Variants in PXDNL observed in about 807,000 individuals in gnomAD.
PXDNL encodes probable oxidoreductase PXDNL.
Under a neutral mutation model 150.8 loss-of-function variants are expected in PXDNL, and 145 were observed. The observed-to-expected ratio is 0.96, with a 90% CI of 0.84 to 1.10. The LOEUF (loss-of-function observed/expected upper bound fraction) is 1.10. PXDNL is among the 50% of genes least tolerant of loss of function. PXDNL has a pLI of 0.00. For missense variants in PXDNL, 2,087 were observed against 1,873.9 expected (o/e 1.11, Z -2.10); for synonymous variants, 757 against 725.7 (o/e 1.04, Z -0.69).
chr8:51,343,479 A>G (rs1484346433), intron 20 of PXDNL, among the ~76,000 whole-genome samples: 3 of 152,256 alleles, frequency 2.0e-5, no homozygotes, highest in Non-Finnish European at 2.9e-5. Flanking sequence ...TAAAAGTTTG[A>G]TAAGATTGGC....
intron 1 of PXDNL, among the ~76,000 whole-genome samples, chr8:51,660,442 C>A (rs1815248462): frequency 6.6e-6 from 1 of 152,118 alleles, no homozygotes; most frequent in African/African-American, 2.4e-5. Flanking sequence ...TGAGTAGATG[C>A]TTGGCTATCA....
intron 17 of PXDNL, among the ~76,000 whole-genome samples, chr8:51,383,907 A>T (rs1377975495): frequency 1.3e-5 from 2 of 152,182 alleles, no homozygotes; most frequent in African/African-American, 4.8e-5. Context: ...ATTCACAGAG[A>T]CACAAGGGCA....
chr8:51,347,919 G>C (rs1252970833), intron 19 of PXDNL, among the ~76,000 whole-genome samples: 1 of 151,858 alleles, frequency 6.6e-6, no homozygotes, highest in African/African-American at 2.4e-5. Context: ...AAAATACATA[G>C]AAATATTTAC....
At chr8:51,360,867 A>G (rs974886191) in intron 19 of PXDNL, among the ~76,000 whole-genome samples, 2 of 152,178 alleles carry the variant, frequency 1.3e-5, no homozygotes, top group Non-Finnish European at 2.9e-5. Context: ...CTGTCCGTAA[A>G]TCTTCTTCCA....
At chr8:51,642,442 A>C (rs1035527973) in intron 2 of PXDNL, among the ~76,000 whole-genome samples, 4 of 152,232 alleles carry the variant, frequency 2.6e-5, no homozygotes, top group Admixed American at 2.0e-4. Flanking sequence ...GACAAAAACT[A>C]CATGATTATC....
chr8:51,494,949 C>T (rs561019028), intron 5 of PXDNL, among the ~76,000 whole-genome samples: 5,881 of 152,150 alleles, frequency 0.039, 366 homozygotes, highest in African/African-American at 0.13. Flanking sequence ...ATCTACAGAA[C>T]TCTCCACCCC....
rs113533893 is a variant in PXDNL, at chr8:51,543,488, G to A, written c.380+13352C>T. ...AAGTTAAAAAACAATGACTATGGGCGGATCACAAGGTCAGGAGATTGAGAC... is the reference window on the plus strand; with the variant it reads ...AAGTTAAAAAACAATGACTATGGGCAGATCACAAGGTCAGGAGATTGAGAC... On this transcript the variant is annotated intron_variant, in intron 4 of 22. Transcript: ENST00000356297. Among the ~76,000 whole-genome samples the A allele has an allele frequency of 2.1e-3, 314 of 151,942 alleles. 1 individual carries two copies. The highest frequency in any genetic ancestry group is 6.9e-3 in the African/African-American group (285 of 41,482).
At chr8:51,777,429 G>C (rs2037364801) in intron 1 of PXDNL, among the ~76,000 whole-genome samples, 2 of 152,210 alleles carry the variant, frequency 1.3e-5, no homozygotes, top group Non-Finnish European at 2.9e-5. Flanking sequence ...TGAAACCATA[G>C]CTGCCACTGG....
Position 51,497,726 on chromosome 8 carries a change from A to G in PXDNL, c.452+1973T>C, listed in dbSNP as rs557420692. Among the ~76,000 whole-genome samples, 302 of 152,336 alleles carry G rather than the reference A, an allele frequency of 2.0e-3. 4 individuals carry two copies. Among genetic ancestry groups the G allele is most frequent in the Non-Finnish European group, 3.5e-4 (24 of 68,028 alleles). Reference sequence around the variant, plus strand: ...CAGAGAAATGCAAATCAAAACCACAATGAGATACCATCTCACACCAGTTAG... The same window carrying G: ...CAGAGAAATGCAAATCAAAACCACAGTGAGATACCATCTCACACCAGTTAG... On this transcript the variant is annotated intron_variant, in intron 5 of 22. Coordinates refer to ENST00000356297, the MANE Select transcript of PXDNL (RefSeq NM_144651.5).
chr8:51,575,143 TAAG>T (rs955547384), intron 3 of PXDNL, among the ~76,000 whole-genome samples: 12 of 152,006 alleles, frequency 7.9e-5, no homozygotes, highest in African/African-American at 2.7e-4. Flanking sequence ...TAAAGGGACT[TAAG>T]AGGAGGAAAG....
At chr8:51,367,108 A>C in intron 19 of PXDNL, among the ~76,000 whole-genome samples, 1 of 140,622 alleles carries the variant, frequency 7.1e-6, no homozygotes, top group Non-Finnish European at 1.5e-5. Context: ...CTCAAAAAAA[A>C]AAAAAAAAAA....
At chr8:51,452,935 A>AACACATACACACACACACAC (rs60146365) in intron 10 of PXDNL, among the ~76,000 whole-genome samples, 34,518 of 142,502 alleles carry the variant, frequency 0.24, 4,655 homozygotes, top group Non-Finnish European at 0.32. Flanking sequence ...CACACACACA[A>AACACATACACACACACACAC]ACACACACAC....
chr8:51,597,238 T>G (rs1325827490), intron 2 of PXDNL, among the ~76,000 whole-genome samples: 2 of 152,194 alleles, frequency 1.3e-5, no homozygotes, highest in African/African-American at 4.8e-5. Flanking sequence ...ATTTCAAGTC[T>G]CTGTATTCTG....
At chr8:51,652,878 T>G (rs1463755402) in intron 2 of PXDNL, among the ~76,000 whole-genome samples, 2 of 152,174 alleles carry the variant, frequency 1.3e-5, no homozygotes, top group African/African-American at 4.8e-5. Flanking sequence ...AAGTGGATTA[T>G]TCATCAATAA....
intron 2 of PXDNL, among the ~76,000 whole-genome samples, chr8:51,652,696 G>T: frequency 6.6e-6 from 1 of 152,140 alleles, no homozygotes; most frequent in Non-Finnish European, 1.5e-5. Context: ...TAAAATGAAC[G>T]TAGTAACACC....
At chr8:51,425,078 C>G (rs973762231) in intron 13 of PXDNL, among the ~76,000 whole-genome samples, 1 of 152,214 alleles carries the variant, frequency 6.6e-6, no homozygotes, top group Non-Finnish European at 1.5e-5. Context: ...TGGGCCACTT[C>G]TAAATTTTCT....
intron 9 of PXDNL, 38 bp downstream of exon 9, chr8:51,457,460 T>G (rs776774388): frequency 2.0e-6 from 3 of 1,495,370 alleles, no homozygotes; most frequent in Middle Eastern, 1.8e-4. Flanking sequence ...CATTTTCCAG[T>G]GCAGATAATT....
intron 1 of PXDNL, among the ~76,000 whole-genome samples, chr8:51,661,830 G>T (rs1412111861): frequency 6.6e-6 from 1 of 150,408 alleles, no homozygotes; most frequent in Non-Finnish European, 1.5e-5. Context: ...GCAGTGGGGT[G>T]ATTTTTTCTT....
chr8:51,473,590 T>C (rs1810400138), intron 7 of PXDNL, among the ~76,000 whole-genome samples: 1 of 151,902 alleles, frequency 6.6e-6, no homozygotes. Context: ...GCTACAACAC[T>C]GAGAAAAGAG....
Sources: gnomAD v4.1 joint callset for allele counts (sites outside exome capture counted in the v4.1 genomes callset) on GRCh38, gnomAD v4.1.1 for gene constraint, MANE v1.5 for transcripts, NCBI Gene and HGNC (gene_info 2026-07-23, HGNC 2026-07-21) for gene names.